Variants in TRPM8 observed in about 807,000 individuals in gnomAD.
TRPM8 encodes transient receptor potential cation channel subfamily M member 8, also known as TRPM8 cationic channel.
A neutral mutation model predicts 133.7 loss-of-function variants in TRPM8; 110 were observed. That is an observed-to-expected ratio of 0.82 (90% CI 0.70 to 0.96). The LOEUF is 0.96. Among genes scored for constraint, TRPM8 ranks in the 40% least tolerant of loss-of-function variants. The probability of loss-of-function intolerance (pLI) is 0.00; values close to 1 mark genes in which losing one functional copy is unlikely to be tolerated. For missense variants in TRPM8, 1,291 were observed against 1,379.5 expected, an observed-to-expected ratio of 0.94 and a Z score of 1.02; for synonymous variants, 535 against 532.3, an observed-to-expected ratio of 1.01 and a Z score of -0.07.
intron 6 of TRPM8, among the ~76,000 whole-genome samples, chr2:233,944,403 C>CA (rs1340496129): frequency 6.6e-6 from 1 of 152,058 alleles, no homozygotes; most frequent in African/African-American, 2.4e-5. Flanking sequence ...CACAGACTCA[C>CA]AAAAAACCTT....
At chr2:233,940,701 A>T (rs965682110) in intron 5 of TRPM8, among the ~76,000 whole-genome samples, 3 of 152,228 alleles carry the variant, frequency 2.0e-5, no homozygotes, top group Non-Finnish European at 2.9e-5. Flanking sequence ...ATATGAAGCC[A>T]TACCCGCTGT....
chr2:233,985,549 G>A (rs2125302079), intron 20 of TRPM8, 139 bp from the exon 21 acceptor site: 1 of 724,830 alleles, frequency 1.4e-6, no homozygotes, highest in Non-Finnish European at 2.3e-6. Context: ...TAAGGACTAT[G>A]ACTTGTTTGG....
At chr2:233,947,452 C>A in intron 8 of TRPM8, 1 of 1,394,296 alleles carries the variant, frequency 7.2e-7, no homozygotes, top group Non-Finnish European at 9.5e-7. Flanking sequence ...TTGTAACCGG[C>A]ATATATATTA....
rs867458353 is a variant in TRPM8, at chr2:234,017,400, G to A, written c.*144G>A. ...GTGGATGATTTTAAATCACCCTAGTGTGCTGAGACCTTGAGAATAAAGTGT... is the reference window on the plus strand; with the variant it reads ...GTGGATGATTTTAAATCACCCTAGTATGCTGAGACCTTGAGAATAAAGTGT... On this transcript the variant is annotated 3_prime_UTR_variant, in exon 26 of 26. Coordinates refer to ENST00000324695, the MANE Select transcript of TRPM8 (RefSeq NM_024080.5). 2.1e-6 allele frequency: 1 copy of A among 470,486 alleles called. No individual in the cohort carries two copies. Among genetic ancestry groups the A allele is most frequent in the East Asian group, 6.9e-5 (1 of 14,406 alleles). 29.1% of individuals were successfully genotyped at this position (470,486 alleles called of 1,614,324 possible). A position where few individuals can be genotyped will look rare whatever the true frequency, so the allele number is the denominator to read the frequency against.
At chr2:233,966,274 A>C in intron 14 of TRPM8, 1 of 228,408 alleles carries the variant, frequency 4.4e-6, no homozygotes, top group Middle Eastern at 1.5e-3. Flanking sequence ...GAGGTGCAGA[A>C]GGTTAGATCC....
chr2:233,942,071 CTTTTTTTTT>C (rs796852025), intron 5 of TRPM8, among the ~76,000 whole-genome samples: 1 of 111,704 alleles, frequency 9.0e-6, no homozygotes, highest in Non-Finnish European at 1.7e-5. Context: ...GGTCAAGAAT[CTTTTTTTTT>C]TTTTTTTTTT....
Position 234,014,593 on chromosome 2 carries a change from T to C in TRPM8, c.3296T>C (p.Ile1099Thr), listed in dbSNP as rs762865598. Reference protein sequence around the residue: ...LNDLKGLLKEIANKIK With the variant: ...LNDLKGLLKETANKIK Reference sequence around the variant, plus strand: ...GATCTCAAGGGTCTTCTGAAAGAGATTGCTAATAAAATCAAATAAAACTGT... The same window carrying C: ...GATCTCAAGGGTCTTCTGAAAGAGACTGCTAATAAAATCAAATAAAACTGT... Residue 1099 changes from isoleucine (I) to threonine (T), a missense_variant, in exon 25 of 26, where the codon ATT becomes ACT. This residue lies in a region of TRPM8 where 328 missense variants were observed against 410.6 expected (regional missense o/e 0.80). Coordinates refer to ENST00000324695, the MANE Select transcript of TRPM8 (RefSeq NM_024080.5). The C allele has an allele frequency of 3.9e-6, 6 of 1,552,382 alleles. No homozygotes were observed. In the Admixed American group the frequency reaches 8.2e-5, roughly 21 times the overall value.
chr2:233,948,714 G>A (rs1418983144), intron 8 of TRPM8, among the ~76,000 whole-genome samples: 1 of 152,158 alleles, frequency 6.6e-6, no homozygotes, highest in Admixed American at 6.5e-5. Context: ...GTGGGGGTAG[G>A]AGAGGTGAGG....
intron 17 of TRPM8, among the ~76,000 whole-genome samples, chr2:233,976,922 T>C (rs543423091): frequency 6.6e-6 from 1 of 152,302 alleles, no homozygotes; most frequent in Admixed American, 6.5e-5. Context: ...CTAAATGGGA[T>C]TGCTTTCCTC....
chr2:233,986,495 A>G (rs1021985768), intron 21 of TRPM8, among the ~76,000 whole-genome samples: 1 of 152,200 alleles, frequency 6.6e-6, no homozygotes, highest in African/African-American at 2.4e-5. Flanking sequence ...TTGGTTTTAT[A>G]TTGTTCCTTC....
intron 21 of TRPM8, among the ~76,000 whole-genome samples, chr2:233,988,320 G>C (rs1692197672): frequency 1.3e-5 from 2 of 151,874 alleles, no homozygotes; most frequent in African/African-American, 4.8e-5. Context: ...TCTTTTGCCA[G>C]GGTGGTACCT....
intron 21 of TRPM8, among the ~76,000 whole-genome samples, chr2:233,987,376 C>T (rs922056726): frequency 6.6e-6 from 1 of 152,220 alleles, no homozygotes; most frequent in Non-Finnish European, 1.5e-5. Flanking sequence ...ACAATGATCA[C>T]ACATTACATT....
At chr2:234,009,282 T>C (rs750535147) in intron 24 of TRPM8, among the ~76,000 whole-genome samples, 7 of 152,116 alleles carry the variant, frequency 4.6e-5, no homozygotes, top group Non-Finnish European at 8.8e-5. Context: ...GAGAAAACAG[T>C]CTATTTTAGT....
In TRPM8 at chr2:233,969,992, G is replaced by A. The variant is rs1282823339; in HGVS notation, c.2138+185G>A. On this transcript the variant is annotated intron_variant, in intron 16 of 25. Coordinates refer to ENST00000324695, the MANE Select transcript of TRPM8 (RefSeq NM_024080.5). ...TGGGTTTCCTCTTAAATGGGTAGGG[G>A]TGGGGTTGTGTCTTTAATATCTGGG... 4.5e-6 allele frequency: 3 copies of A among 664,754 alleles called. No individual in the cohort carries two copies. In the South Asian group the frequency reaches 5.6e-5, roughly 12 times the overall value. 41.2% of individuals were successfully genotyped at this position (664,754 alleles called of 1,614,324 possible).
intron 22 of TRPM8, among the ~76,000 whole-genome samples, chr2:233,997,251 G>A (rs1692430685): frequency 6.6e-6 from 1 of 152,166 alleles, no homozygotes; most frequent in African/African-American, 2.4e-5. Context: ...TCCAGCCTGG[G>A]CGACAGAGTG....
At chr2:233,963,633 C>G (rs1352298023) in intron 13 of TRPM8, among the ~76,000 whole-genome samples, 1 of 152,088 alleles carries the variant, frequency 6.6e-6, no homozygotes, top group Non-Finnish European at 1.5e-5. Context: ...GATTGTTTTC[C>G]AAGTGGAAAA....
intron 9 of TRPM8, among the ~76,000 whole-genome samples, chr2:233,952,892 T>C (rs1691202751): frequency 1.3e-5 from 2 of 152,124 alleles, no homozygotes; most frequent in South Asian, 4.1e-4. Flanking sequence ...CCTTCACTTG[T>C]GCCGTAGAAT....
chr2:233,992,651 G>A (rs1221872355), intron 21 of TRPM8, among the ~76,000 whole-genome samples: 1 of 152,174 alleles, frequency 6.6e-6, no homozygotes, highest in Non-Finnish European at 1.5e-5. Context: ...AGCCAGCTAG[G>A]TGTTTGCCAG....
chr2:233,985,369 G>A (rs1692119836), intron 20 of TRPM8, among the ~76,000 whole-genome samples: 1 of 152,216 alleles, frequency 6.6e-6, no homozygotes, highest in Non-Finnish European at 1.5e-5. Flanking sequence ...TACATGGACT[G>A]AGACTTTAAA....
Sources: allele counts gnomAD v4.1 joint callset (sites outside exome capture counted in the v4.1 genomes callset), GRCh38; gene constraint gnomAD v4.1.1; regional missense constraint gnomAD v4.1.1; transcripts MANE v1.5; gene names NCBI Gene and HGNC (gene_info 2026-07-23, HGNC 2026-07-21).